Variants in NCKAP1 observed in about 807,000 individuals in gnomAD.
The protein encoded by NCKAP1 is nck-associated protein 1.
Under a neutral mutation model 151.2 loss-of-function variants are expected in NCKAP1, and 21 were observed. That is an observed-to-expected ratio of 0.14 (90% CI 0.10 to 0.20). The LOEUF is 0.20. Ranked by LOEUF, NCKAP1 falls within the 10% of genes least tolerant of loss-of-function variation. The pLI, the probability that NCKAP1 is intolerant of heterozygous loss-of-function variation, is 1.00. For synonymous variants in NCKAP1, 484 were observed against 451.8 expected (o/e 1.07, Z -0.90); for missense variants, 933 against 1,352.1 (o/e 0.69, Z 4.86).
At chr2:182,952,137 G>C (rs1697228766) in intron 23 of NCKAP1, among the ~76,000 whole-genome samples, 1 of 152,078 alleles carries the variant, frequency 6.6e-6, no homozygotes. Flanking sequence ...TACTATGAAG[G>C]CCTGACCACA....
At chr2:183,032,573 A>AT (rs1699024588) in intron 1 of NCKAP1, among the ~76,000 whole-genome samples, 1 of 152,210 alleles carries the variant, frequency 6.6e-6, no homozygotes, top group Non-Finnish European at 1.5e-5. Flanking sequence ...GTATCTAAAC[A>AT]TAAAAAAAAA....
At chr2:182,937,847 G>A (rs1237816922) in intron 24 of NCKAP1, among the ~76,000 whole-genome samples, 1 of 152,094 alleles carries the variant, frequency 6.6e-6, no homozygotes, top group Non-Finnish European at 1.5e-5. Context: ...TGGTGAGAGA[G>A]GTAACAAAAT....
At chr2:182,954,636 A>C (rs1697287185) in intron 20 of NCKAP1, among the ~76,000 whole-genome samples, 1 of 152,066 alleles carries the variant, frequency 6.6e-6, no homozygotes, top group South Asian at 2.1e-4. Flanking sequence ...AAATACAAAA[A>C]TTAACCAGGC....
At chr2:182,955,849 T>C (rs1431519188) in intron 20 of NCKAP1, among the ~76,000 whole-genome samples, 1 of 152,168 alleles carries the variant, frequency 6.6e-6, no homozygotes, top group Non-Finnish European at 1.5e-5. Flanking sequence ...AATAAACTGA[T>C]TTCATGAACC....
At chr2:183,010,875 A>T (rs1280941465) in intron 2 of NCKAP1, among the ~76,000 whole-genome samples, 1 of 152,232 alleles carries the variant, frequency 6.6e-6, no homozygotes, top group African/African-American at 2.4e-5. Flanking sequence ...GTTCCTTTAC[A>T]TTCAATTTTA....
chr2:182,934,043 G>A, intron 26 of NCKAP1, among the ~76,000 whole-genome samples: 1 of 151,988 alleles, frequency 6.6e-6, no homozygotes, highest in African/African-American at 2.4e-5. Flanking sequence ...TAAAATTACA[G>A]CCTACAATTA....
At chr2:182,929,408 T>TC (rs1338196382) in intron 27 of NCKAP1, among the ~76,000 whole-genome samples, 1 of 151,976 alleles carries the variant, frequency 6.6e-6, no homozygotes, top group African/African-American at 2.4e-5. Flanking sequence ...GAATGGGTTT[T>TC]CAACCTCTCT....
intron 2 of NCKAP1, among the ~76,000 whole-genome samples, chr2:183,020,689 A>C (rs1419129578): frequency 6.6e-6 from 1 of 152,092 alleles, no homozygotes; most frequent in Non-Finnish European, 1.5e-5. Flanking sequence ...AAAAGAAAGA[A>C]AAGACTGATA....
At chr2:182,959,083 G>A (rs916841440) in intron 18 of NCKAP1, among the ~76,000 whole-genome samples, 5 of 152,126 alleles carry the variant, frequency 3.3e-5, no homozygotes, top group Non-Finnish European at 7.3e-5. Flanking sequence ...GGTTTACATA[G>A]TATCTCCATT....
At chr2:182,992,854 T>A (rs1698196378) in intron 8 of NCKAP1, among the ~76,000 whole-genome samples, 1 of 152,194 alleles carries the variant, frequency 6.6e-6, no homozygotes, top group African/African-American at 2.4e-5. Flanking sequence ...AGTAGAAACT[T>A]AATAATCTGT....
intron 4 of NCKAP1, among the ~76,000 whole-genome samples, chr2:183,002,471 T>C (rs1349177304): frequency 6.6e-6 from 1 of 152,098 alleles, no homozygotes; most frequent in African/African-American, 2.4e-5. Flanking sequence ...CACAATTTTA[T>C]GGATGAAAGA....
At chr2:182,933,407 T>TC (rs1491051165) in intron 26 of NCKAP1, among the ~76,000 whole-genome samples, 17 of 150,332 alleles carry the variant, frequency 1.1e-4, no homozygotes, top group African/African-American at 2.9e-4. Context: ...TTTTTTTTTT[T>TC]TGGAGACGGG....
chr2:183,027,577 G>A (rs1698921988), intron 1 of NCKAP1, among the ~76,000 whole-genome samples: 1 of 152,120 alleles, frequency 6.6e-6, no homozygotes, highest in African/African-American at 2.4e-5. Context: ...AAGGCTGATT[G>A]GGCATGGTGG....
intron 23 of NCKAP1, among the ~76,000 whole-genome samples, chr2:182,945,004 G>T (rs1697071851): frequency 2.0e-5 from 3 of 152,286 alleles, no homozygotes; most frequent in Non-Finnish European, 4.4e-5. Context: ...GGAGGCCGAG[G>T]TGGGCGGATC....
chr2:183,002,929 T>C (rs755211216), intron 4 of NCKAP1, 45 bp downstream of exon 4: 1 of 1,489,266 alleles, frequency 6.7e-7, no homozygotes, highest in South Asian at 1.2e-5. Flanking sequence ...CCTGAGCTCT[T>C]CTGGAAACAG....
At position 183,002,118 on chromosome 2, in the gene NCKAP1, C is replaced by G; in HGVS notation, c.512+9G>C. 2 of 1,612,298 alleles carry G rather than the reference C, an allele frequency of 1.2e-6. No homozygotes were observed. The highest frequency in any genetic ancestry group is 1.7e-6 in the Non-Finnish European group (2 of 1,179,196). ...GCATTTTAGAAAGACTTTTATAATG[C>G]AAATCTACCTTGCTCCATGAGTCAT... On this transcript the variant is annotated intron_variant, in intron 5 of 30. Coordinates refer to ENST00000361354, the MANE Select transcript of NCKAP1 (RefSeq NM_013436.5).
chr2:182,990,010 TTATATA>T (rs1374020231), intron 8 of NCKAP1, among the ~76,000 whole-genome samples: 1 of 149,496 alleles, frequency 6.7e-6, no homozygotes, highest in Non-Finnish European at 1.5e-5. Context: ...TATATATAAT[TTATATA>T]TATATAATAT....
intron 8 of NCKAP1, among the ~76,000 whole-genome samples, chr2:182,993,655 A>G (rs558860863): frequency 4.6e-4 from 70 of 152,252 alleles, no homozygotes; most frequent in South Asian, 4.6e-3. Context: ...GTTCTTACTT[A>G]TAAGGGGAGC....
chr2:182,936,985 C>A (rs142480956), intron 24 of NCKAP1, among the ~76,000 whole-genome samples: 3 of 151,624 alleles, frequency 2.0e-5, no homozygotes, highest in African/African-American at 7.3e-5. Flanking sequence ...CCTGGTGGCA[C>A]GTGCTTGTAG....
Sources: gnomAD v4.1 joint callset for allele counts (sites outside exome capture counted in the v4.1 genomes callset) on GRCh38, gnomAD v4.1.1 for gene constraint, MANE v1.5 for transcripts, NCBI Gene and HGNC (gene_info 2026-07-23, HGNC 2026-07-21) for gene names.